IGSF10: variants seen among roughly 807,000 people sequenced by gnomAD.
IGSF10 encodes the protein immunoglobulin superfamily member 10.
IGSF10 carries 126 observed loss-of-function variants against 128.2 expected under a neutral mutation model. The ratio of observed to expected loss-of-function variants is 0.98; its 90% CI spans 0.85 to 1.14. The LOEUF is 1.14. Ranked by LOEUF, IGSF10 falls within the 50% of genes most tolerant of loss-of-function variation. IGSF10 has a pLI of 0.00. For missense variants in IGSF10, 3,295 were observed against 3,149.8 expected, an observed-to-expected ratio of 1.05 and a Z score of -1.10; for synonymous variants, 1,185 against 1,146.2, an observed-to-expected ratio of 1.03 and a Z score of -0.68.
the IGSF10 span, among the ~76,000 whole-genome samples, chr3:151,538,014 TCTGA>T: frequency 1.2e-4 from 18 of 152,210 alleles, no homozygotes; most frequent in African/African-American, 3.6e-4. Flanking sequence ...TTCAGATTCC[TCTGA>T]CTATTACTCA....
the IGSF10 span, among the ~76,000 whole-genome samples, chr3:151,554,052 A>AG: frequency 6.6e-6 from 1 of 151,840 alleles, no homozygotes; most frequent in East Asian, 1.9e-4. Flanking sequence ...AGGCTGAGGC[A>AG]GGAGGATTGC....
chr3:151,567,971 T>TA, the IGSF10 span, among the ~76,000 whole-genome samples: 1 of 152,192 alleles, frequency 6.6e-6, no homozygotes, highest in Non-Finnish European at 1.5e-5. Context: ...GCTCACGTCT[T>TA]ACTATAAGTG....
At position 151,447,901 on chromosome 3, in the gene IGSF10, G is replaced by A. The variant is rs762493707; in HGVS notation, c.2080C>T (p.Pro694Ser). The part of the protein sequence containing the change: ...SNPIAHLKEP[P>S]GAQLRTSALM... ...GCAGATGTACGGAGTTGTGCACCTG[G>A]TGGCTCCTTAAGATGAGCAATAGGA... The change falls in exon 6 of 8, where the codon CCA (proline) becomes TCA (serine). Residue 694 changes from proline to serine, a missense_variant. Pro to Ser is a moderately conservative substitution (Grantham distance 74). Coordinates refer to ENST00000282466, the MANE Select transcript of IGSF10 (RefSeq NM_178822.5). 1.3e-5 allele frequency: 21 copies of A among 1,613,926 alleles called. No homozygotes were observed. The highest frequency in any genetic ancestry group is 1.6e-5 in the Non-Finnish European group (19 of 1,179,996).
chr3:151,580,275 C>T, the IGSF10 span, among the ~76,000 whole-genome samples: 3 of 151,878 alleles, frequency 2.0e-5, no homozygotes, highest in African/African-American at 7.3e-5. Flanking sequence ...GGACTTTACA[C>T]GTAAGAAAAA....
At chr3:151,566,668 C>T in the IGSF10 span, among the ~76,000 whole-genome samples, 2 of 152,186 alleles carry the variant, frequency 1.3e-5, no homozygotes, top group South Asian at 2.1e-4. Flanking sequence ...GTTACATGGC[C>T]TCCACCAACC....
At chr3:151,512,446 G>A in the IGSF10 span, among the ~76,000 whole-genome samples, 3 of 152,056 alleles carry the variant, frequency 2.0e-5, no homozygotes, top group Non-Finnish European at 4.4e-5. Flanking sequence ...CAGAATCTCT[G>A]GGACATATTC....
At chr3:151,455,360 C>G (rs894840622) in intron 4 of IGSF10, among the ~76,000 whole-genome samples, 2 of 151,650 alleles carry the variant, frequency 1.3e-5, no homozygotes, top group Admixed American at 1.3e-4. Flanking sequence ...GATCTGCCCC[C>G]CCTTGGCCTC....
chr3:151,547,789 A>G, the IGSF10 span, among the ~76,000 whole-genome samples: 5,977 of 152,296 alleles, frequency 0.039, 146 homozygotes, highest in Middle Eastern at 0.054. Flanking sequence ...CTGAAAATGT[A>G]AAGAATCCGC....
chr3:151,597,276 G>A, the IGSF10 span, among the ~76,000 whole-genome samples: 1 of 152,136 alleles, frequency 6.6e-6, no homozygotes, highest in Non-Finnish European at 1.5e-5. Flanking sequence ...AACACACATT[G>A]ATTAAATAAT....
At chr3:151,515,132 T>G in the IGSF10 span, among the ~76,000 whole-genome samples, 7 of 151,928 alleles carry the variant, frequency 4.6e-5, no homozygotes, top group African/African-American at 1.2e-4. Flanking sequence ...ATACCCAAAG[T>G]ATTATAAATC....
the IGSF10 span, among the ~76,000 whole-genome samples, chr3:151,594,953 G>A: frequency 5.3e-5 from 8 of 151,432 alleles, no homozygotes; most frequent in African/African-American, 2.4e-5. Flanking sequence ...AGAACGACAA[G>A]GACCTAAACA....
In IGSF10 at chr3:151,439,621, ATAAATTTTACTTTGT is replaced by A. The variant is rs147633024; in HGVS notation, c.5964-1039_5964-1025del. ...AAAAATGAAACTGTTTTAGAAAAAAATAAATTTTACTTTGTTAGAATACCAACGCAAGGTTCCTTA... is the reference window on the plus strand; with the variant it reads ...AAAAATGAAACTGTTTTAGAAAAAAATAGAATACCAACGCAAGGTTCCTTA... On this transcript the variant is annotated intron_variant, in intron 7 of 7. Transcript: ENST00000282466. 6.6e-3 allele frequency among the ~76,000 whole-genome samples: 1,008 copies of A among 152,348 alleles called. 14 individuals carry two copies. Among genetic ancestry groups the A allele is most frequent in the African/African-American group, 0.024 (985 of 41,576 alleles).
At chr3:151,529,347 T>C in the IGSF10 span, among the ~76,000 whole-genome samples, 1 of 152,316 alleles carries the variant, frequency 6.6e-6, no homozygotes, top group Non-Finnish European at 1.5e-5. Context: ...GCACAGCGTT[T>C]AAGCTCTGCT....
rs150254783 is a variant in IGSF10 at position 151,438,231 on chromosome 3, C to T, written c.6330G>A (p.Gly2110=). 142 of 1,614,004 alleles carry T rather than the reference C, an allele frequency of 8.8e-5. No homozygotes were observed. Among genetic ancestry groups the T allele is most frequent in the Non-Finnish European group, 1.1e-4 (131 of 1,180,012 alleles). The change falls in exon 8 of 8, where the codon GGG becomes GGA. Residue 2110 remains glycine (G), a synonymous_variant. Coordinates refer to ENST00000282466, the MANE Select transcript of IGSF10 (RefSeq NM_178822.5). The part of the protein sequence containing the change: ...NNGTLYFNKV[G]VAEEGDYTCY... ...AAGTATAATCTCCTTCCTCCGCTAC[C>T]CCAACTTTGTTGAAGTATAAAGTTC...
the IGSF10 span, among the ~76,000 whole-genome samples, chr3:151,551,662 TACACAC>T: frequency 0.084 from 12,156 of 145,384 alleles, 573 homozygotes; most frequent in African/African-American, 0.13. Context: ...ACATGGGCAT[TACACAC>T]ACACACACAC....
chr3:151,479,869 T>C, the IGSF10 span, among the ~76,000 whole-genome samples: 2 of 152,170 alleles, frequency 1.3e-5, no homozygotes, highest in Non-Finnish European at 2.9e-5. Context: ...TTTCTAGTCT[T>C]ATACCAGGCA....
At chr3:151,568,673 A>G in the IGSF10 span, among the ~76,000 whole-genome samples, 5 of 152,284 alleles carry the variant, frequency 3.3e-5, no homozygotes. Flanking sequence ...GTTTTAGTAT[A>G]GCAACACTAC....
At chr3:151,578,834 A>G in the IGSF10 span, among the ~76,000 whole-genome samples, 1 of 152,366 alleles carries the variant, frequency 6.6e-6, no homozygotes, top group East Asian at 1.9e-4. Flanking sequence ...GACCATTAGC[A>G]GTTTACTACT....
the IGSF10 span, among the ~76,000 whole-genome samples, chr3:151,488,727 G>C: frequency 3.3e-5 from 5 of 152,168 alleles, no homozygotes; most frequent in Non-Finnish European, 5.9e-5. Context: ...ATGGGGAAAG[G>C]ATTCCTTATT....
Sources: gnomAD v4.1 joint callset for allele counts (sites outside exome capture counted in the v4.1 genomes callset) on GRCh38, gnomAD v4.1.1 for gene constraint, MANE v1.5 for transcripts, NCBI Gene and HGNC (gene_info 2026-07-23, HGNC 2026-07-21) for gene names.